The following SEC23IP variants were observed in gnomAD, a reference collection of about 807,000 sequenced individuals.
SEC23IP encodes SEC23 interacting protein.
A neutral mutation model predicts 113.4 loss-of-function variants in SEC23IP; 70 were observed. The observed-to-expected ratio is 0.62, with a 90% CI of 0.51 to 0.75. SEC23IP has a LOEUF of 0.75. Ranked by LOEUF, SEC23IP falls within the 30% of genes least tolerant of loss-of-function variation. The probability of loss-of-function intolerance (pLI) is 0.00; values close to 1 mark genes in which losing one functional copy is unlikely to be tolerated. For synonymous variants in SEC23IP, 398 were observed against 421.0 expected (o/e 0.95, Z 0.67); for missense variants, 1,160 against 1,204.9 (o/e 0.96, Z 0.55).
chr10:119,915,927 A>G, intron 8 of SEC23IP, 38 bp downstream of exon 8: 2 of 1,420,474 alleles, frequency 1.4e-6, no homozygotes, highest in Non-Finnish European at 1.9e-6. Flanking sequence ...CAGATTAGTC[A>G]TATTTAAATT....
intron 12 of SEC23IP, among the ~76,000 whole-genome samples, chr10:119,924,489 G>A (rs1855358071): frequency 6.6e-6 from 1 of 150,842 alleles, no homozygotes; most frequent in African/African-American, 2.4e-5. Context: ...GGCGGATCTC[G>A]ACTCACTGCA....
intron 2 of SEC23IP, 106 bp downstream of exon 2, chr10:119,899,065 A>G (rs972162898): frequency 4.9e-6 from 5 of 1,022,764 alleles, no homozygotes; most frequent in Admixed American, 2.5e-5. Context: ...ATATGGTGAC[A>G]AATTAGTTTC....
intron 1 of SEC23IP, among the ~76,000 whole-genome samples, chr10:119,893,761 C>T (rs937033195): frequency 2.6e-5 from 4 of 152,112 alleles, no homozygotes; most frequent in Admixed American, 2.0e-4. Context: ...CTCAAGTGAT[C>T]CGCCTGCCCT....
At chr10:119,937,121 C>T (rs1210103467) in intron 18 of SEC23IP, among the ~76,000 whole-genome samples, 1 of 151,440 alleles carries the variant, frequency 6.6e-6, no homozygotes, top group East Asian at 2.0e-4. Context: ...GTGATCCGCC[C>T]GCCTTGGCCT....
chr10:119,907,387 C>G (rs745512066), intron 4 of SEC23IP, among the ~76,000 whole-genome samples: 1 of 151,880 alleles, frequency 6.6e-6, no homozygotes, highest in African/African-American at 2.4e-5. Context: ...TCTATTTTCA[C>G]GTGATTGTCA....
At chr10:119,917,752 G>T in intron 8 of SEC23IP, 84 bp from the exon 9 acceptor site, 1 of 932,164 alleles carries the variant, frequency 1.1e-6, no homozygotes. Context: ...TGTATTTTCA[G>T]GAGTCAAAAA....
Position 119,926,042 on chromosome 10 carries a change from G to A in SEC23IP, c.2128G>A (p.Ala710Thr), listed in dbSNP as rs761196215. Residue 710 changes from alanine (A) to threonine (T), a missense_variant, in exon 13 of 19, where the codon GCA (alanine) becomes ACA (threonine). Coordinates refer to ENST00000369075, the MANE Select transcript of SEC23IP (RefSeq NM_007190.4). ...VEHKAAKLKKAASEKKAVAAT... is the reference protein window; with the variant it reads ...VEHKAAKLKKTASEKKAVAAT... ...AAATTTTGGTATTTTACAGAAAAAA[G>A]CAGCGTCAGAAAAGAAGGCAGTGGC... The A allele has an allele frequency of 6.2e-7, 1 of 1,609,034 alleles. No individual in the cohort carries two copies. The highest frequency in any genetic ancestry group is 1.7e-5 in the Admixed American group (1 of 58,596).
In SEC23IP at chr10:119,903,968, T is replaced by G. The variant is rs1475374273; in HGVS notation, c.908-116T>G. ...CTCCTGACCGCAAGTGATCCACCTC[T>G]CTCGGCCTCCCAGGGTGCTGGGATT... On this transcript the variant is annotated intron_variant, in intron 3 of 18. Coordinates refer to ENST00000369075, the MANE Select transcript of SEC23IP (RefSeq NM_007190.4). 5 of 1,063,456 alleles carry G rather than the reference T, an allele frequency of 4.7e-6. No individual in the cohort carries two copies. In the Admixed American group the frequency reaches 9.8e-5, roughly 21 times the overall value. The allele number at this position is 1,063,456 out of a possible 1,614,324, so 65.9% of individuals were successfully genotyped here.
chr10:119,939,820 C>T (rs933127428), intron 18 of SEC23IP, among the ~76,000 whole-genome samples: 4 of 152,114 alleles, frequency 2.6e-5, no homozygotes, highest in East Asian at 1.9e-4. Context: ...CTTAGCATCT[C>T]GAGAGGCTGG....
intron 5 of SEC23IP, among the ~76,000 whole-genome samples, chr10:119,911,784 A>G (rs1360592199): frequency 1.3e-5 from 2 of 152,042 alleles, no homozygotes; most frequent in Non-Finnish European, 2.9e-5. Flanking sequence ...CTATGTTATT[A>G]GCTTTTAAAT....
chr10:119,895,433 G>A (rs948973296), intron 1 of SEC23IP, among the ~76,000 whole-genome samples: 2 of 152,182 alleles, frequency 1.3e-5, no homozygotes, highest in African/African-American at 4.8e-5. Context: ...CACTGTTCCA[G>A]AACCTGGGAG....
chr10:119,926,278 C>A (rs1202196147), intron 13 of SEC23IP, 51 bp downstream of exon 13: 7 of 1,483,304 alleles, frequency 4.7e-6, no homozygotes, highest in Non-Finnish European at 6.4e-6. Flanking sequence ...GAATCATAAT[C>A]TTTATCATTT....
At chr10:119,900,751 C>T (rs1307727120) in intron 2 of SEC23IP, among the ~76,000 whole-genome samples, 1 of 151,982 alleles carries the variant, frequency 6.6e-6, no homozygotes, top group Non-Finnish European at 1.5e-5. Context: ...TGAGCCACCA[C>T]ACCTGTCCCA....
At chr10:119,899,348 A>G (rs1352853584) in intron 2 of SEC23IP, among the ~76,000 whole-genome samples, 4 of 152,242 alleles carry the variant, frequency 2.6e-5, no homozygotes, top group Non-Finnish European at 4.4e-5. Context: ...TACAGGGACT[A>G]AAATTGATTA....
rs1230205541 is a variant in SEC23IP, at chr10:119,930,309, A to G, written c.2470-20A>G. 7.0e-7 allele frequency: 1 copy of G among 1,435,318 alleles called. No individual in the cohort carries two copies. Among genetic ancestry groups the G allele is most frequent in the Non-Finnish European group, 9.5e-7 (1 of 1,050,144 alleles). The allele number at this position is 1,435,318 out of a possible 1,614,324, so 88.9% of individuals were successfully genotyped here. A position where few individuals can be genotyped will look rare whatever the true frequency, so the allele number is the denominator to read the frequency against. ...TTTCATAAATTTCTTTTATTTATTC[A>G]TAAATTCTTCTATTTATAGCTTGAT... On this transcript the variant is annotated intron_variant, in intron 14 of 18. Transcript: ENST00000369075.
Position 119,942,109 on chromosome 10 carries a change from A to G in SEC23IP, c.*1544A>G, listed in dbSNP as rs1346601333. On this transcript the variant is annotated 3_prime_UTR_variant, in exon 19 of 19. Transcript: ENST00000369075. ...ATAAAGAAAAATGAGGGTTATTTAT[A>G]TACATTTCAATAAAATCCAATTTGA... is the stretch of plus-strand genomic sequence containing the variant. 6.6e-6 allele frequency: 1 copy of G among 152,220 alleles called. No individual in the cohort carries two copies. Among genetic ancestry groups the G allele is most frequent in the Non-Finnish European group, 1.5e-5 (1 of 68,046 alleles). 9.4% of individuals were successfully genotyped at this position (152,220 alleles called of 1,614,324 possible).
chr10:119,934,315 T>C (rs1271455679), intron 18 of SEC23IP, among the ~76,000 whole-genome samples: 1 of 152,226 alleles, frequency 6.6e-6, no homozygotes, highest in East Asian at 1.9e-4. Flanking sequence ...TCGCTCTTAA[T>C]TAGGGAAGCA....
At chr10:119,914,671 T>C in intron 6 of SEC23IP, 59 bp from the exon 7 acceptor site, 1 of 1,365,238 alleles carries the variant, frequency 7.3e-7, no homozygotes, top group Non-Finnish European at 1.0e-6. Flanking sequence ...AATATTGCCA[T>C]TAGGAAAATC....
intron 8 of SEC23IP, 98 bp downstream of exon 8, chr10:119,915,987 T>G (rs1178154810): frequency 1.8e-6 from 2 of 1,082,268 alleles, no homozygotes; most frequent in South Asian, 3.4e-5. Context: ...TCAATCAATA[T>G]GTTTTTAAAA....
Sources: gnomAD v4.1 joint callset for allele counts (sites outside exome capture counted in the v4.1 genomes callset) on GRCh38, gnomAD v4.1.1 for gene constraint, MANE v1.5 for transcripts, NCBI Gene and HGNC (gene_info 2026-07-23, HGNC 2026-07-21) for gene names.